Variants in KCNQ1 observed in about 807,000 individuals in gnomAD.
KCNQ1 encodes potassium voltage-gated channel subfamily KQT member 1.
A neutral mutation model predicts 72.4 loss-of-function variants in KCNQ1; 49 were observed. That is an observed-to-expected ratio of 0.68 (90% CI 0.54 to 0.86). The LOEUF is 0.86. Ranked by LOEUF, KCNQ1 falls within the 40% of genes least tolerant of loss-of-function variation. KCNQ1 has a pLI of 0.00. For synonymous variants in KCNQ1, 450 were observed against 412.6 expected, an observed-to-expected ratio of 1.09 and a Z score of -1.10; for missense variants, 790 against 945.1, an observed-to-expected ratio of 0.84 and a Z score of 2.15.
chr11:2,767,593 C>T lies in KCNQ1; in HGVS notation c.1515-1251C>T, dbSNP rs780873564. 1.3e-5 allele frequency among the ~76,000 whole-genome samples: 2 copies of T among 152,130 alleles called. No individual in the cohort carries two copies. Among genetic ancestry groups the T allele is most frequent in the South Asian group, 4.1e-4 (2 of 4,826 alleles). On this transcript the variant is annotated intron_variant, in intron 11 of 15. Coordinates refer to ENST00000155840, the MANE Select transcript of KCNQ1 (RefSeq NM_000218.3). The surrounding 1 kb of genome is among the most constrained non-coding windows in gnomAD (Gnocchi z 4.6). ...GATAATTTTATTTTCTTCTGCCACG[C>T]GCAAAGCACCTTACTCCAGTAGGGG...
In KCNQ1 at chr11:2,793,222, G is replaced by A. The variant is rs1267626188; in HGVS notation, c.1794+15185G>A. On this transcript the variant is annotated intron_variant, in intron 15 of 15. Transcript: ENST00000155840. ...ACAAGGGCTCTTGTTCTAAGGCTCT[G>A]TGATAGCCCCTCTTACTGAGAGGGA... 2.6e-5 allele frequency among the ~76,000 whole-genome samples: 4 copies of A among 152,248 alleles called. No homozygotes were observed. The East Asian group carries it at 7.7e-4, about 29-fold the overall frequency.
rs558443133 is a variant in KCNQ1, at chr11:2,824,503, G to A, written c.1795-23264G>A. On this transcript the variant is annotated intron_variant, in intron 15 of 15. Coordinates refer to ENST00000155840, the MANE Select transcript of KCNQ1 (RefSeq NM_000218.3). The surrounding 1 kb of genome is among the most constrained non-coding windows in gnomAD (Gnocchi z 5.9). ...CTGAAAGGTTCTGAGGTGTCCACGT[G>A]GAGGTGTTTGCCCGGCAGTTTAGGC... is the stretch of plus-strand genomic sequence containing the variant. Among the ~76,000 whole-genome samples the A allele has an allele frequency of 6.6e-6, 1 of 152,324 alleles. No individual in the cohort carries two copies. Among genetic ancestry groups the A allele is most frequent in the East Asian group, 1.9e-4 (1 of 5,178 alleles).
intron 15 of KCNQ1, among the ~76,000 whole-genome samples, chr11:2,844,323 C>G (rs1310867214): frequency 1.3e-5 from 2 of 152,204 alleles, no homozygotes; most frequent in Admixed American, 6.5e-5. Flanking sequence ...GCATCCAGCC[C>G]ACATCCTGGC....
intron 11 of KCNQ1, chr11:2,696,837 T>G (rs1850684428): frequency 2.5e-6 from 1 of 398,512 alleles, no homozygotes; most frequent in African/African-American, 2.1e-5. Context: ...ATCTCTATTA[T>G]GCTTTTTTTT....
chr11:2,575,238 C>T (rs974205476), intron 6 of KCNQ1, among the ~76,000 whole-genome samples: 5 of 152,228 alleles, frequency 3.3e-5, no homozygotes, highest in Non-Finnish European at 4.4e-5. Context: ...GCCGGGAACA[C>T]GGCCCCTTTG....
chr11:2,846,862 A>G (rs1848340221), intron 15 of KCNQ1, among the ~76,000 whole-genome samples: 1 of 152,172 alleles, frequency 6.6e-6, no homozygotes, highest in Non-Finnish European at 1.5e-5. Flanking sequence ...TGCTGGGTGC[A>G]TTTCGGGTTC....
chr11:2,729,199 T>C (rs780054964), intron 11 of KCNQ1, among the ~76,000 whole-genome samples: 2 of 152,234 alleles, frequency 1.3e-5, no homozygotes, highest in Non-Finnish European at 2.9e-5. Flanking sequence ...CAAGGGCTGG[T>C]CTGGCCTAGC....
At chr11:2,445,528 G>C in intron 1 of KCNQ1, 44 bp downstream of exon 1, 1 of 1,574,356 alleles carries the variant, frequency 6.4e-7, no homozygotes. Context: ...GGTGCTTCCT[G>C]AGAGCTGGTG....
intron 2 of KCNQ1, among the ~76,000 whole-genome samples, chr11:2,539,238 C>T (rs371587149): frequency 8.5e-5 from 13 of 152,198 alleles, no homozygotes; most frequent in African/African-American, 1.7e-4. Context: ...GGGCCTGGCT[C>T]GTGCCTGGTG....
chr11:2,661,875 G>T lies in KCNQ1; in HGVS notation c.1394-86G>T. 1 of 1,555,586 alleles carries T rather than the reference G, an allele frequency of 6.4e-7. No homozygotes were observed. The highest frequency in any genetic ancestry group is 8.9e-7 in the Non-Finnish European group (1 of 1,128,566). ...CAGGCACAAGCTCCACTCCTCACCT[G>T]GCCCTGGGAGCTCACAGGCCTGGCT... is the stretch of plus-strand genomic sequence containing the variant. On this transcript the variant is annotated intron_variant, in intron 10 of 15. Coordinates refer to ENST00000155840, the MANE Select transcript of KCNQ1 (RefSeq NM_000218.3). The surrounding 1 kb of genome is among the most constrained non-coding windows in gnomAD (Gnocchi z 5.9).
At position 2,612,071 on chromosome 11, in the gene KCNQ1, T is replaced by TTA; in HGVS notation, c.1393+23217_1393+23218insTA. 1 of 398,634 alleles carries TTA rather than the reference T, an allele frequency of 2.5e-6. No individual in the cohort carries two copies. Among genetic ancestry groups the TTA allele is most frequent in the Non-Finnish European group, 4.4e-6 (1 of 226,072 alleles). 24.7% of individuals were successfully genotyped at this position (398,634 alleles called of 1,614,324 possible). A position where few individuals can be genotyped will look rare whatever the true frequency, so the allele number is the denominator to read the frequency against. ...ATATATGTTACAACTTAATTACACA[T>TTA]ACATTGTTACACATCCTGTTAGGAC... is the stretch of plus-strand genomic sequence containing the variant. On this transcript the variant is annotated intron_variant, in intron 10 of 15. Transcript: ENST00000155840. This position sits in a 1 kb window ranked among gnomAD's most constrained non-coding sequence, Gnocchi z 5.5.
chr11:2,499,570 A>G (rs1846976638), intron 1 of KCNQ1, among the ~76,000 whole-genome samples: 1 of 150,544 alleles, frequency 6.6e-6, no homozygotes, highest in Admixed American at 6.6e-5. Context: ...TACAAGAAAC[A>G]CATTTCAACC....
At chr11:2,666,268 G>A in intron 11 of KCNQ1, 1 of 398,702 alleles carries the variant, frequency 2.5e-6, no homozygotes, top group Non-Finnish European at 4.4e-6. Flanking sequence ...GACCCCCGAG[G>A]CTGGGCAGAG....
chr11:2,848,445 A>G lies in KCNQ1; in HGVS notation c.*442A>G, dbSNP rs1294279888. The G allele has an allele frequency of 2.2e-6, 1 of 463,334 alleles. No homozygotes were observed. The highest frequency in any genetic ancestry group is 2.0e-5 in the African/African-American group (1 of 50,518). The allele number at this position is 463,334 out of a possible 1,614,324, so 28.7% of individuals were successfully genotyped here. On this transcript the variant is annotated 3_prime_UTR_variant, in exon 16 of 16. Coordinates refer to ENST00000155840, the MANE Select transcript of KCNQ1 (RefSeq NM_000218.3). ...TCAAATCCAGGACCCTGCCAGGCAC[A>G]GGCAGGGCAGGACCAGCCCACGCTG...
chr11:2,721,466 C>T (rs968794066), intron 11 of KCNQ1, among the ~76,000 whole-genome samples: 6 of 152,250 alleles, frequency 3.9e-5, no homozygotes, highest in Non-Finnish European at 4.4e-5. Flanking sequence ...CTCCAGCTCG[C>T]AAGAGGGGCA....
chr11:2,538,972 C>T lies in KCNQ1; in HGVS notation c.477+10954C>T, dbSNP rs923045279. Among the ~76,000 whole-genome samples the T allele has an allele frequency of 6.6e-6, 1 of 152,186 alleles. No homozygotes were observed. Among genetic ancestry groups the T allele is most frequent in the Non-Finnish European group, 1.5e-5 (1 of 68,036 alleles). Reference sequence around the variant, plus strand: ...GAACCTGGGAACCACCAGTCAGCGTCTTTCCTCCAGGGAGGCTGTGCAGAG... The same window carrying T: ...GAACCTGGGAACCACCAGTCAGCGTTTTTCCTCCAGGGAGGCTGTGCAGAG... On this transcript the variant is annotated intron_variant, in intron 2 of 15. Transcript: ENST00000155840. The surrounding 1 kb of genome is among the most constrained non-coding windows in gnomAD (Gnocchi z 6.7).
intron 10 of KCNQ1, chr11:2,648,981 C>CTTTTTTTTTTTTTTTTTTTTTTTTTCTTT: frequency 4.7e-6 from 1 of 213,306 alleles, no homozygotes; most frequent in Non-Finnish European, 7.8e-6. Flanking sequence ...TTTTCTTTTT[C>CTTTTTTTTTTTTTTTTTTTTTTTTTCTTT]TTTTTTTTTT....
At chr11:2,514,698 C>T (rs559669366) in intron 1 of KCNQ1, among the ~76,000 whole-genome samples, 7 of 152,276 alleles carry the variant, frequency 4.6e-5, no homozygotes, top group Non-Finnish European at 1.0e-4. Context: ...TGGTGGCGGG[C>T]GCCTGTAGTC....
chr11:2,685,758 C>G, intron 11 of KCNQ1: 1 of 398,702 alleles, frequency 2.5e-6, no homozygotes, highest in Non-Finnish European at 4.4e-6. Context: ...GGCAGGCATC[C>G]TCCCAGGTGG....
Sources: gnomAD v4.1 joint callset for allele counts (sites outside exome capture counted in the v4.1 genomes callset) on GRCh38, gnomAD v4.1.1 for gene constraint, Gnocchi (gnomAD v3.1) non-coding constraint, MANE v1.5 for transcripts, NCBI Gene and HGNC (gene_info 2026-07-23, HGNC 2026-07-21) for gene names.